Variants in SLC14A2 observed in about 807,000 individuals in gnomAD.
SLC14A2 encodes urea transporter 2.
SLC14A2 carries 91 observed loss-of-function variants against 104.6 expected under a neutral mutation model. The observed-to-expected ratio is 0.87, with a 90% CI of 0.73 to 1.04. The LOEUF (loss-of-function observed/expected upper bound fraction) is 1.04, where lower values mean the gene tolerates loss of function less well. Among genes scored for constraint, SLC14A2 ranks in the 50% least tolerant of loss-of-function variants. The pLI, the probability that SLC14A2 is intolerant of heterozygous loss-of-function variation, is 0.00. For missense variants in SLC14A2, 1,189 were observed against 1,156.0 expected (o/e 1.03, Z -0.41); for synonymous variants, 476 against 466.4 (o/e 1.02, Z -0.27).
intron 1 of SLC14A2, among the ~76,000 whole-genome samples, chr18:45,266,362 A>G (rs554808303): frequency 2.0e-5 from 3 of 152,294 alleles, no homozygotes; most frequent in Middle Eastern, 3.4e-3. Flanking sequence ...ACATTGCACT[A>G]AAGCCTGAGA....
intron 1 of SLC14A2, among the ~76,000 whole-genome samples, chr18:45,265,914 AAATCC>A (rs2084587695): frequency 6.6e-6 from 1 of 152,190 alleles, no homozygotes; most frequent in African/African-American, 2.4e-5. Context: ...AAATAAACAA[AAATCC>A]TTGCCATCAT....
chr18:45,259,637 T>C (rs1006676038), intron 1 of SLC14A2, among the ~76,000 whole-genome samples: 1 of 152,142 alleles, frequency 6.6e-6, no homozygotes, highest in East Asian at 1.9e-4. Context: ...GAATAATGCA[T>C]TCAGTAAGGA....
chr18:45,198,073 G>A, the SLC14A2 span, among the ~76,000 whole-genome samples: 2 of 152,174 alleles, frequency 1.3e-5, no homozygotes, highest in Admixed American at 6.5e-5. Flanking sequence ...AAACATGGAT[G>A]TGAAATTAGG....
the SLC14A2 span, among the ~76,000 whole-genome samples, chr18:45,182,217 AAAT>A: frequency 1.3e-5 from 2 of 152,072 alleles, no homozygotes; most frequent in African/African-American, 2.4e-5. Flanking sequence ...AGACTTTTAA[AAAT>A]AATATTTGGT....
At chr18:45,238,742 G>A (rs982455628) in intron 1 of SLC14A2, among the ~76,000 whole-genome samples, 11 of 152,300 alleles carry the variant, frequency 7.2e-5, no homozygotes, top group Non-Finnish European at 1.5e-4. Flanking sequence ...TTCAGGAAGC[G>A]TATACGTACA....
At chr18:45,192,731 A>C in the SLC14A2 span, among the ~76,000 whole-genome samples, 1 of 151,822 alleles carries the variant, frequency 6.6e-6, no homozygotes, top group Admixed American at 6.6e-5. Context: ...GTCTTGGCTC[A>C]CTGCAACCTC....
intron 4 of SLC14A2, among the ~76,000 whole-genome samples, chr18:45,630,258 GACACAACATCCAT>G (rs1287655492): frequency 1.3e-5 from 2 of 152,036 alleles, no homozygotes; most frequent in Non-Finnish European, 2.9e-5. Context: ...CTAGCCACTG[GACACAACATCCAT>G]ACACATATCT....
At position 45,639,801 on chromosome 18, in the gene SLC14A2, G is replaced by A. The variant is rs763548020; in HGVS notation, c.899G>A (p.Trp300Ter). 10 of 1,613,858 alleles carry A rather than the reference G, an allele frequency of 6.2e-6. No homozygotes were observed. In the African/African-American group the frequency reaches 1.2e-4, roughly 19 times the overall value. The change falls in exon 7 of 20, where the codon TGG becomes TAG. Residue 300 changes from tryptophan to a stop codon, truncating the protein, a stop_gained. Coordinates refer to ENST00000255226, the MANE Select transcript of SLC14A2 (RefSeq NM_007163.4). LOFTEE classifies it high-confidence loss of function. ...CAGGTGTATGGCTGTGACAATCCCT[G>A]GACAGGCGGCGTGTTCCTGGTGGCT... ...VGQVYGCDNP[W>*]TGGVFLVALF...
chr18:45,173,023 A>T, the SLC14A2 span, among the ~76,000 whole-genome samples: 4 of 152,254 alleles, frequency 2.6e-5, no homozygotes, highest in East Asian at 7.7e-4. Context: ...ACAATGGGTC[A>T]ATGTCACACT....
At chr18:45,269,218 T>C (rs1435907542) in intron 1 of SLC14A2, among the ~76,000 whole-genome samples, 1 of 152,056 alleles carries the variant, frequency 6.6e-6, no homozygotes, top group Non-Finnish European at 1.5e-5. Context: ...TGGATTTCAG[T>C]TGTGCTAGGA....
intron 14 of SLC14A2, 22 bp from the exon 15 acceptor site, chr18:45,668,327 C>G: frequency 6.2e-7 from 1 of 1,613,418 alleles, no homozygotes; most frequent in Non-Finnish European, 8.5e-7. Flanking sequence ...CCTGCTCCAC[C>G]TGACCCTCCC....
At chr18:45,571,166 A>G (rs751061859) in intron 2 of SLC14A2, among the ~76,000 whole-genome samples, 11 of 152,362 alleles carry the variant, frequency 7.2e-5, no homozygotes, top group Non-Finnish European at 1.2e-4. Flanking sequence ...AGTACTGTAG[A>G]TGAATAAATA....
chr18:45,497,291 A>G (rs2043114262), intron 2 of SLC14A2, among the ~76,000 whole-genome samples: 1 of 152,194 alleles, frequency 6.6e-6, no homozygotes, highest in African/African-American at 2.4e-5. Flanking sequence ...TCAACAGTTA[A>G]TTCAACAACC....
chr18:45,617,959 G>C (rs1255936440), intron 1 of SLC14A2, among the ~76,000 whole-genome samples: 1 of 152,182 alleles, frequency 6.6e-6, no homozygotes, highest in Non-Finnish European at 1.5e-5. Flanking sequence ...TGAAGGCTTA[G>C]GATCAACCTC....
At chr18:45,680,777 A>G (rs2046300402) in intron 19 of SLC14A2, among the ~76,000 whole-genome samples, 1 of 152,242 alleles carries the variant, frequency 6.6e-6, no homozygotes, top group South Asian at 2.1e-4. Flanking sequence ...TAGCAAGGTG[A>G]TCAGAACTGA....
upstream of SLC14A2, chr18:45,615,027 C>T (rs1008334666): frequency 2.6e-5 from 4 of 152,188 alleles, no homozygotes; most frequent in East Asian, 1.9e-4. Context: ...GAACTTCTGA[C>T]GTCAAGTGAT....
intron 2 of SLC14A2, among the ~76,000 whole-genome samples, chr18:45,524,214 T>G (rs547707196): frequency 6.6e-6 from 1 of 152,378 alleles, no homozygotes. Context: ...GAGACTTGAC[T>G]GTTTACAGAC....
chr18:45,312,760 A>G (rs1197835704), intron 1 of SLC14A2, among the ~76,000 whole-genome samples: 1 of 152,210 alleles, frequency 6.6e-6, no homozygotes, highest in Non-Finnish European at 1.5e-5. Flanking sequence ...GAAATAAACA[A>G]TGTGTGTTAA....
At chr18:45,519,451 T>C (rs2043486833) in intron 2 of SLC14A2, among the ~76,000 whole-genome samples, 1 of 152,184 alleles carries the variant, frequency 6.6e-6, no homozygotes, top group Non-Finnish European at 1.5e-5. Context: ...CAGTGTTGGT[T>C]TTGAACTTGG....
Sources: allele counts gnomAD v4.1 joint callset (sites outside exome capture counted in the v4.1 genomes callset), GRCh38; gene constraint gnomAD v4.1.1; transcripts MANE v1.5; gene names NCBI Gene and HGNC (gene_info 2026-07-23, HGNC 2026-07-21).